Variants in PBLD observed in about 807,000 individuals in gnomAD.
The protein encoded by PBLD is phenazine biosynthesis-like domain-containing protein.
Under a neutral mutation model 31.3 loss-of-function variants are expected in PBLD, and 26 were observed. The observed-to-expected ratio is 0.83, with a 90% confidence interval of 0.61 to 1.15. The LOEUF is 1.15. Ranked by LOEUF, PBLD falls within the 50% of genes most tolerant of loss-of-function variation. The probability of loss-of-function intolerance (pLI) is 0.00; values close to 1 mark genes in which losing one functional copy is unlikely to be tolerated. For synonymous variants in PBLD, 114 were observed against 129.0 expected (o/e 0.88, Z 0.79); for missense variants, 307 against 351.7 (o/e 0.87, Z 1.02).
In PBLD at chr10:68,322,179, GTCTAA is replaced by G. The variant is rs565893744; in HGVS notation, c.-60+10600_-60+10604del. On this transcript the variant is annotated intron_variant, in intron 1 of 9. Coordinates refer to ENST00000358769, the MANE Select transcript of PBLD (RefSeq NM_022129.4). ...TTCCTCCCAAGAACCCATAACCCCTGTCTAATCCTGAGAAAAACATCAGAAAAAAA... is the reference window on the plus strand; with the variant it reads ...TTCCTCCCAAGAACCCATAACCCCTGTCCTGAGAAAAACATCAGAAAAAAA... Among the ~76,000 whole-genome samples, 399 of 152,208 alleles carry G rather than the reference GTCTAA, an allele frequency of 2.6e-3. 1 individual carries two copies. Among genetic ancestry groups the G allele is most frequent in the African/African-American group, 9.2e-3 (381 of 41,514 alleles).
intron 1 of PBLD, among the ~76,000 whole-genome samples, chr10:68,318,358 C>T (rs1399802530): frequency 8.3e-6 from 1 of 120,860 alleles, no homozygotes; most frequent in East Asian, 2.5e-4. Context: ...GGTAACACAG[C>T]AAGACCCTGC....
chr10:68,315,875 T>C (rs1450376039), intron 1 of PBLD, among the ~76,000 whole-genome samples: 2 of 152,178 alleles, frequency 1.3e-5, no homozygotes, highest in Admixed American at 1.3e-4. Context: ...AGAAAATCTC[T>C]GTCTAATAAT....
intron 2 of PBLD, among the ~76,000 whole-genome samples, chr10:68,303,887 A>T (rs772305470): frequency 5.9e-4 from 90 of 152,036 alleles, no homozygotes; most frequent in African/African-American, 2.0e-3. Context: ...ATAAAACCTA[A>T]CATTATTCCA....
At chr10:68,297,994 G>T (rs913313307) in intron 2 of PBLD, among the ~76,000 whole-genome samples, 1 of 151,122 alleles carries the variant, frequency 6.6e-6, no homozygotes, top group South Asian at 2.1e-4. Context: ...AGCTGGGCAT[G>T]GTGGCTTATG....
chr10:68,296,471 C>A, intron 3 of PBLD, 107 bp from the exon 4 acceptor site: 1 of 759,554 alleles, frequency 1.3e-6, no homozygotes, highest in African/African-American at 1.8e-5. Flanking sequence ...GATGAGTAGC[C>A]AAAACATGTT....
At chr10:68,328,871 T>TTTTG (rs151336211) in intron 1 of PBLD, among the ~76,000 whole-genome samples, 25 of 151,808 alleles carry the variant, frequency 1.6e-4, no homozygotes, top group Admixed American at 9.2e-4. Context: ...TATGTAGCGG[T>TTTTG]TTTGTTTGTT....
chr10:68,285,029 CT>C (rs960185521), intron 9 of PBLD: 31 of 1,188,966 alleles, frequency 2.6e-5, no homozygotes, highest in Non-Finnish European at 3.0e-5. Context: ...AGTAAGGAAC[CT>C]TGGTCATCAT....
chr10:68,285,246 A>T, intron 9 of PBLD, 102 bp downstream of exon 9: 3 of 1,598,306 alleles, frequency 1.9e-6, no homozygotes, highest in Non-Finnish European at 2.6e-6. Context: ...CATGGGTGAT[A>T]CATGACATTG....
intron 1 of PBLD, among the ~76,000 whole-genome samples, chr10:68,328,514 C>T (rs938005987): frequency 1.3e-5 from 2 of 152,166 alleles, no homozygotes; most frequent in Non-Finnish European, 2.9e-5. Context: ...CTATTTCCTT[C>T]TCCTTTTTCA....
chr10:68,304,034 G>A (rs2044544111), intron 2 of PBLD, among the ~76,000 whole-genome samples: 1 of 152,114 alleles, frequency 6.6e-6, no homozygotes, highest in Admixed American at 6.6e-5. Flanking sequence ...TTGTACCTCT[G>A]GCTCCTAGCC....
chr10:68,309,406 CAAAAAAAA>C (rs58152894), intron 1 of PBLD, among the ~76,000 whole-genome samples: 1 of 114,706 alleles, frequency 8.7e-6, no homozygotes, highest in Non-Finnish European at 1.6e-5. Flanking sequence ...GATTATGTTT[CAAAAAAAA>C]AAAAAAAAAA....
chr10:68,296,426 C>A, intron 3 of PBLD, 62 bp from the exon 4 acceptor site: 1 of 1,271,724 alleles, frequency 7.9e-7, no homozygotes, highest in Non-Finnish European at 1.1e-6. Flanking sequence ...TCACAGATTT[C>A]TCATTTTCTT....
At chr10:68,296,230 G>T (rs2044424789) in intron 4 of PBLD, 36 bp downstream of exon 4, 1 of 1,464,744 alleles carries the variant, frequency 6.8e-7, no homozygotes, top group Non-Finnish European at 9.4e-7. Flanking sequence ...AAAGCCATTT[G>T]CTAAGTGTTA....
At chr10:68,324,172 A>G (rs1303115495) in intron 1 of PBLD, among the ~76,000 whole-genome samples, 2 of 150,660 alleles carry the variant, frequency 1.3e-5, no homozygotes, top group Non-Finnish European at 2.9e-5. Flanking sequence ...TTTTTTTGAG[A>G]TAGAGCTGGG....
chr10:68,310,656 A>C (rs994972520), intron 1 of PBLD, among the ~76,000 whole-genome samples: 1 of 148,440 alleles, frequency 6.7e-6, no homozygotes, highest in Non-Finnish European at 1.5e-5. Flanking sequence ...CTACTTCTAC[A>C]GTGTCAACTT....
chr10:68,306,708 T>C, intron 2 of PBLD, 53 bp downstream of exon 2: 2 of 1,499,590 alleles, frequency 1.3e-6, no homozygotes, highest in Non-Finnish European at 1.8e-6. Context: ...TAAGTAATTG[T>C]TTCTACAGGA....
intron 1 of PBLD, among the ~76,000 whole-genome samples, chr10:68,309,491 T>C (rs1355839292): frequency 6.8e-6 from 1 of 147,950 alleles, no homozygotes; most frequent in Non-Finnish European, 1.5e-5. Flanking sequence ...TACTCATTAA[T>C]AAATATCAGT....
At chr10:68,296,414 G>A (rs1305114010) in intron 3 of PBLD, 50 bp from the exon 4 acceptor site, 2 of 1,366,334 alleles carry the variant, frequency 1.5e-6, no homozygotes, top group Admixed American at 3.7e-5. Flanking sequence ...CATGCAAGCA[G>A]GTCACAGATT....
intron 1 of PBLD, among the ~76,000 whole-genome samples, chr10:68,311,339 C>A (rs1190442201): frequency 1.3e-5 from 2 of 152,104 alleles, no homozygotes; most frequent in Non-Finnish European, 2.9e-5. Context: ...GTAATCCCAG[C>A]ACTTTGGGAG....
Sources: gnomAD v4.1 joint callset for allele counts (sites outside exome capture counted in the v4.1 genomes callset) on GRCh38, gnomAD v4.1.1 for gene constraint, MANE v1.5 for transcripts, NCBI Gene and HGNC (gene_info 2026-07-23, HGNC 2026-07-21) for gene names.